The following TMEM106B variants were observed in gnomAD, a reference collection of about 807,000 sequenced individuals.
TMEM106B encodes the protein transmembrane protein 106B.
A neutral mutation model predicts 31.1 loss-of-function variants in TMEM106B; 15 were observed. The ratio of observed to expected loss-of-function variants is 0.48; its 90% CI spans 0.32 to 0.74. The LOEUF (loss-of-function observed/expected upper bound fraction) is 0.74, where lower values mean the gene tolerates loss of function less well. Ranked by LOEUF, TMEM106B falls within the 30% of genes least tolerant of loss-of-function variation. The pLI, the probability that TMEM106B is intolerant of heterozygous loss-of-function variation, is 0.03. For missense variants in TMEM106B, 283 were observed against 327.3 expected (o/e 0.86, Z 1.04); for synonymous variants, 126 against 112.5 (o/e 1.12, Z -0.76).
chr7:12,225,415 C>G (rs1781881047), intron 4 of TMEM106B, among the ~76,000 whole-genome samples: 1 of 152,044 alleles, frequency 6.6e-6, no homozygotes, highest in Non-Finnish European at 1.5e-5. Context: ...AATGGTATTT[C>G]TAGTTCTAGA....
rs1288489360 is a variant in TMEM106B at position 12,236,953 on chromosome 7, C to G, written c.*4978C>G. On this transcript the variant is annotated 3_prime_UTR_variant, in exon 8 of 8. Transcript: ENST00000396668. ...TTTGAATGATGGTATTACCTAGATT[C>G]TAATCCTTGATTCTAGTTATATAAT... 1 of 151,910 alleles carries G rather than the reference C, an allele frequency of 6.6e-6. No homozygotes were observed. Among genetic ancestry groups the G allele is most frequent in the Admixed American group, 6.6e-5 (1 of 15,222 alleles). 9.4% of individuals were successfully genotyped at this position (151,910 alleles called of 1,614,324 possible).
At position 12,238,652 on chromosome 7, in the gene TMEM106B, T is replaced by G. The variant is rs2128529740; in HGVS notation, c.*6677T>G. 6.6e-6 allele frequency: 1 copy of G among 152,302 alleles called. No individual in the cohort carries two copies. The highest frequency in any genetic ancestry group is 1.9e-4 in the East Asian group (1 of 5,182). 9.4% of individuals were successfully genotyped at this position (152,302 alleles called of 1,614,324 possible). On this transcript the variant is annotated 3_prime_UTR_variant, in exon 8 of 8. Transcript: ENST00000396668. Reference sequence around the variant, plus strand: ...TACTCCCTGATCCATGGCTGCAGAATGCACGTTGTGTTAAGAGGCATGAAA... The same window carrying G: ...TACTCCCTGATCCATGGCTGCAGAAGGCACGTTGTGTTAAGAGGCATGAAA...
intron 1 of TMEM106B, among the ~76,000 whole-genome samples, chr7:12,213,919 G>T (rs1381050185): frequency 3.9e-5 from 6 of 152,118 alleles, no homozygotes; most frequent in East Asian, 1.9e-4. Context: ...AAGGTGGGTG[G>T]AGGGGATTGA....
At chr7:12,213,414 G>C (rs759062968) in intron 1 of TMEM106B, among the ~76,000 whole-genome samples, 1 of 152,284 alleles carries the variant, frequency 6.6e-6, no homozygotes, top group East Asian at 1.9e-4. Flanking sequence ...ACAAAGGTGC[G>C]TGAATTTTCA....
In TMEM106B at chr7:12,234,298, T is replaced by C. The variant is rs536610717; in HGVS notation, c.*2323T>C. The C allele has an allele frequency of 2.4e-4, 36 of 151,982 alleles. No individual in the cohort carries two copies. The highest frequency in any genetic ancestry group is 8.4e-4 in the African/African-American group (35 of 41,566). The allele number at this position is 151,982 out of a possible 1,614,324, so 9.4% of individuals were successfully genotyped here. On this transcript the variant is annotated 3_prime_UTR_variant, in exon 8 of 8. Transcript: ENST00000396668. ...TTTAGTCACTTAATTTTGAATCTTTTTTCTTCATCTTTTGAATTAATTTTT... is the reference window on the plus strand; with the variant it reads ...TTTAGTCACTTAATTTTGAATCTTTCTTCTTCATCTTTTGAATTAATTTTT...
Position 12,229,833 on chromosome 7 carries a change from A to G in TMEM106B, c.582+14A>G, listed in dbSNP as rs766028695. ...GATATGAAACAAGTAAGAATCAATC[A>G]TGAAATACTTTGTAAGAGTTAAATG... is the stretch of plus-strand genomic sequence containing the variant. On this transcript the variant is annotated intron_variant, in intron 5 of 7. Transcript: ENST00000396668. The G allele has an allele frequency of 1.3e-6, 2 of 1,592,724 alleles. No individual in the cohort carries two copies. The highest frequency in any genetic ancestry group is 4.5e-5 in the East Asian group (2 of 44,654).
chr7:12,216,586 G>A (rs1182169743), intron 2 of TMEM106B, among the ~76,000 whole-genome samples: 2 of 152,116 alleles, frequency 1.3e-5, no homozygotes, highest in African/African-American at 4.8e-5. Context: ...CTGGATGACA[G>A]CAGCAAGCTA....
intron 3 of TMEM106B, among the ~76,000 whole-genome samples, chr7:12,219,528 T>C (rs952209160): frequency 6.6e-6 from 1 of 152,174 alleles, no homozygotes; most frequent in Non-Finnish European, 1.5e-5. Flanking sequence ...ACTGACACTT[T>C]AATAAAGGCA....
At chr7:12,231,652 T>A (rs1258546878) in intron 7 of TMEM106B, 185 bp from the exon 8 acceptor site, 1 of 476,840 alleles carries the variant, frequency 2.1e-6, no homozygotes, top group Non-Finnish European at 3.7e-6. Context: ...CAGGGCTCAC[T>A]CAGCTATCCA....
At chr7:12,216,697 T>G (rs1781693699) in intron 2 of TMEM106B, among the ~76,000 whole-genome samples, 1 of 152,030 alleles carries the variant, frequency 6.6e-6, no homozygotes, top group Non-Finnish European at 1.5e-5. Flanking sequence ...GAAAGAAAAG[T>G]TAGAATGAGA....
rs186837516 is a variant in TMEM106B at position 12,230,004 on chromosome 7, C to G, written c.582+185C>G. On this transcript the variant is annotated intron_variant, in intron 5 of 7. Coordinates refer to ENST00000396668, the MANE Select transcript of TMEM106B (RefSeq NM_001134232.2). ...GGCTGAGCTCAGTGGACTGCTTGAG[C>G]CCAGGAATTCGAGACCAGCCTGGGC... Among the ~76,000 whole-genome samples the G allele has an allele frequency of 9.9e-5, 15 of 151,956 alleles. No homozygotes were observed. In the East Asian group the frequency reaches 2.5e-3, roughly 26 times the overall value.
rs1354217139 is a variant in TMEM106B at position 12,232,475 on chromosome 7, G to A, written c.*500G>A. ...CAGCTACACAATATTTTAGCTTTTA[G>A]CTAGACATTTATAGCTTTTCATTTG... On this transcript the variant is annotated 3_prime_UTR_variant, in exon 8 of 8. Coordinates refer to ENST00000396668, the MANE Select transcript of TMEM106B (RefSeq NM_001134232.2). 1 of 151,944 alleles carries A rather than the reference G, an allele frequency of 6.6e-6. No homozygotes were observed. Among genetic ancestry groups the A allele is most frequent in the African/African-American group, 2.4e-5 (1 of 41,424 alleles). The allele number at this position is 151,944 out of a possible 1,614,324, so 9.4% of individuals were successfully genotyped here.
At chr7:12,222,073 T>C (rs1005952170) in intron 3 of TMEM106B, among the ~76,000 whole-genome samples, 4 of 152,222 alleles carry the variant, frequency 2.6e-5, no homozygotes, top group Non-Finnish European at 5.9e-5. Flanking sequence ...ATTGCTTTTG[T>C]CTGTATACTT....
rs1391442565 is a variant in TMEM106B, at chr7:12,239,065, T to G, written c.*7090T>G. 1 of 152,198 alleles carries G rather than the reference T, an allele frequency of 6.6e-6. No individual in the cohort carries two copies. The highest frequency in any genetic ancestry group is 2.1e-4 in the South Asian group (1 of 4,832). The allele number at this position is 152,198 out of a possible 1,614,324, so 9.4% of individuals were successfully genotyped here. A position where few individuals can be genotyped will look rare whatever the true frequency, so the allele number is the denominator to read the frequency against. On this transcript the variant is annotated 3_prime_UTR_variant, in exon 8 of 8. Coordinates refer to ENST00000396668, the MANE Select transcript of TMEM106B (RefSeq NM_001134232.2). ...GTAAAAGAAGGTTGTTTTATCTACA[T>G]TGAAAATATATTGTTCATTGTAACC...
chr7:12,228,009 G>T (rs189846337), intron 4 of TMEM106B, among the ~76,000 whole-genome samples: 2 of 151,862 alleles, frequency 1.3e-5, no homozygotes, highest in Admixed American at 1.3e-4. Context: ...TCAATCCTTG[G>T]TCTTATCAGA....
intron 1 of TMEM106B, among the ~76,000 whole-genome samples, chr7:12,211,931 A>G (rs1464197057): frequency 6.6e-6 from 1 of 152,214 alleles, no homozygotes; most frequent in Non-Finnish European, 1.5e-5. Flanking sequence ...GACTTTCAGT[A>G]AACTAAGGAA....
chr7:12,228,529 G>C (rs1045430468), intron 4 of TMEM106B, among the ~76,000 whole-genome samples: 2 of 151,476 alleles, frequency 1.3e-5, no homozygotes, highest in Non-Finnish European at 3.0e-5. Context: ...TTCTTTTTAT[G>C]AATAGAATTC....
chr7:12,234,803 C>T lies in TMEM106B; in HGVS notation c.*2828C>T, dbSNP rs1321270113. On this transcript the variant is annotated 3_prime_UTR_variant, in exon 8 of 8. Coordinates refer to ENST00000396668, the MANE Select transcript of TMEM106B (RefSeq NM_001134232.2). Reference sequence around the variant, plus strand: ...ACATTGGCCCTTTTTAGAGTTCTTTCCTATGTTTTTCTTACGTGATTTCCC... The same window carrying T: ...ACATTGGCCCTTTTTAGAGTTCTTTTCTATGTTTTTCTTACGTGATTTCCC... The T allele has an allele frequency of 6.6e-6, 1 of 151,630 alleles. No homozygotes were observed. The highest frequency in any genetic ancestry group is 1.5e-5 in the Non-Finnish European group (1 of 67,752). 9.4% of individuals were successfully genotyped at this position (151,630 alleles called of 1,614,324 possible). A position where few individuals can be genotyped will look rare whatever the true frequency, so the allele number is the denominator to read the frequency against.
Position 12,242,816 on chromosome 7 carries a change from C to T in TMEM106B, c.*10841C>T, listed in dbSNP as rs1384463065. 1 of 152,036 alleles carries T rather than the reference C, an allele frequency of 6.6e-6. No homozygotes were observed. The highest frequency in any genetic ancestry group is 1.5e-5 in the Non-Finnish European group (1 of 67,964). 9.4% of individuals were successfully genotyped at this position (152,036 alleles called of 1,614,324 possible). The stretch of plus-strand genomic sequence containing the variant: ...TTTAAAAAAAAGAAGTGAATATTTT[C>T]AATACTTATGAACCATAGAATTCTG... On this transcript the variant is annotated 3_prime_UTR_variant, in exon 8 of 8. Transcript: ENST00000396668.
Sources: allele counts gnomAD v4.1 joint callset (sites outside exome capture counted in the v4.1 genomes callset), GRCh38; gene constraint gnomAD v4.1.1; transcripts MANE v1.5; gene names NCBI Gene and HGNC (gene_info 2026-07-23, HGNC 2026-07-21).